Variants in RDX observed in about 807,000 individuals in gnomAD.
The protein encoded by RDX is deafness, autosomal recessive 24.
Under a neutral mutation model 83.7 loss-of-function variants are expected in RDX, and 32 were observed. The observed-to-expected ratio is 0.38, with a 90% CI of 0.29 to 0.51. RDX has a LOEUF of 0.51. RDX is among the 20% of genes least tolerant of loss of function. The probability of loss-of-function intolerance (pLI) is 0.87; values close to 1 mark genes in which losing one functional copy is unlikely to be tolerated. For missense variants in RDX, 600 were observed against 689.9 expected, an observed-to-expected ratio of 0.87 and a Z score of 1.46; for synonymous variants, 229 against 222.7, an observed-to-expected ratio of 1.03 and a Z score of -0.25.
intron 15 of RDX, among the ~76,000 whole-genome samples, chr11:110,184,191 C>G (rs1191140328): frequency 6.6e-6 from 1 of 152,188 alleles, no homozygotes; most frequent in Non-Finnish European, 1.5e-5. Flanking sequence ...ACTGTGGCAG[C>G]AACAGGGATG....
At chr11:110,249,880 G>C (rs1591150747) in intron 9 of RDX, among the ~76,000 whole-genome samples, 1 of 151,882 alleles carries the variant, frequency 6.6e-6, no homozygotes, top group African/African-American at 2.4e-5. Context: ...CTGTCAAATA[G>C]AAAACAAAAA....
rs900125648 is a variant in RDX at position 110,255,979 on chromosome 11, T to C, written c.699-594A>G. On this transcript the variant is annotated intron_variant, in intron 7 of 13. Transcript: ENST00000645495. ...CATACATAAATATTTGGATAAATGA[T>C]AGAGATGGAATTCAAACTCTTGAGA... Among the ~76,000 whole-genome samples, 10 of 152,326 alleles carry C rather than the reference T, an allele frequency of 6.6e-5. No individual in the cohort carries two copies. The South Asian group carries it at 1.9e-3, about 28-fold the overall frequency.
intron 1 of RDX, among the ~76,000 whole-genome samples, chr11:110,290,803 A>T (rs113544444): frequency 6.6e-6 from 1 of 150,698 alleles, no homozygotes; most frequent in African/African-American, 2.5e-5. Context: ...TATGTAAACA[A>T]GTCAGCTACG....
chr11:110,269,917 T>C (rs916100826), intron 3 of RDX, among the ~76,000 whole-genome samples: 15 of 151,800 alleles, frequency 9.9e-5, no homozygotes, highest in Non-Finnish European at 2.1e-4. Context: ...TGGAGCACAC[T>C]TGTGGTCCCA....
At chr11:110,176,963 G>C (rs967447834) in intron 15 of RDX, among the ~76,000 whole-genome samples, 1 of 152,166 alleles carries the variant, frequency 6.6e-6, no homozygotes, top group Non-Finnish European at 1.5e-5. Context: ...AGCCTGCCAA[G>C]GGCCAAGCGC....
chr11:110,186,368 T>C (rs1862986910), intron 15 of RDX, among the ~76,000 whole-genome samples: 1 of 152,164 alleles, frequency 6.6e-6, no homozygotes, highest in South Asian at 2.1e-4. Context: ...TAGGTGGTGC[T>C]TTGACCTGTC....
chr11:110,259,509 A>C (rs886564383), intron 5 of RDX, among the ~76,000 whole-genome samples: 5 of 152,230 alleles, frequency 3.3e-5, no homozygotes, highest in African/African-American at 1.2e-4. Context: ...CCCCCTGGAT[A>C]AGTTACCTAC....
At chr11:110,292,784 T>C (rs1861297976) in intron 1 of RDX, among the ~76,000 whole-genome samples, 1 of 152,228 alleles carries the variant, frequency 6.6e-6, no homozygotes, top group African/African-American at 2.4e-5. Flanking sequence ...ATGAAGTACC[T>C]GTTTCTTCAA....
chr11:110,177,930 C>G (rs191209661), intron 15 of RDX, among the ~76,000 whole-genome samples: 63 of 152,186 alleles, frequency 4.1e-4, no homozygotes, highest in Non-Finnish European at 2.8e-4. Context: ...CCCCGACACT[C>G]CCCCTCATAC....
At chr11:110,223,722 C>T (rs551439498) in intron 14 of RDX, among the ~76,000 whole-genome samples, 9 of 152,062 alleles carry the variant, frequency 5.9e-5, no homozygotes, top group Admixed American at 1.3e-4. Flanking sequence ...ATTTGGGTAC[C>T]TCTAGCAAAA....
chr11:110,289,969 A>AAAAAAAAC (rs1861159307), intron 1 of RDX, among the ~76,000 whole-genome samples: 2 of 147,612 alleles, frequency 1.4e-5, no homozygotes, highest in Non-Finnish European at 3.0e-5. Context: ...AAAAAAAAAA[A>AAAAAAAAC]AAAAAAAAAA....
chr11:110,272,812 T>C (rs560954241), intron 2 of RDX, 193 bp from the exon 3 acceptor site: 111 of 576,066 alleles, frequency 1.9e-4, no homozygotes, highest in Middle Eastern at 1.4e-3. Flanking sequence ...TACTGGGCAC[T>C]AAGCTATGGG....
intron 13 of RDX, 112 bp from the exon 14 acceptor site, chr11:110,232,145 A>C: frequency 1.1e-6 from 1 of 869,938 alleles, no homozygotes; most frequent in Non-Finnish European, 1.8e-6. Flanking sequence ...CCACTGTGAA[A>C]CCTTTTTCTT....
At chr11:110,224,982 A>C (rs1175614398), downstream of RDX, among the ~76,000 whole-genome samples, 1 of 152,168 alleles carries the variant, frequency 6.6e-6, no homozygotes, top group African/African-American at 2.4e-5. Context: ...TCCTCAAATC[A>C]AATTAAAACA....
At chr11:110,262,591 G>GAA (rs5794681) in intron 5 of RDX, among the ~76,000 whole-genome samples, 2 of 146,194 alleles carry the variant, frequency 1.4e-5, no homozygotes, top group African/African-American at 5.0e-5. Flanking sequence ...CCATCTCAAA[G>GAA]AAAAAAAAAA....
At chr11:110,237,675 C>G (rs749063198) in intron 10 of RDX, 23 bp from the exon 11 acceptor site, 6 of 1,611,370 alleles carry the variant, frequency 3.7e-6, no homozygotes, top group Non-Finnish European at 5.1e-6. Flanking sequence ...TGTATTCCCC[C>G]CAACAGTGAT....
intron 2 of RDX, among the ~76,000 whole-genome samples, chr11:110,275,395 G>C (rs1182573921): frequency 7.2e-5 from 11 of 152,116 alleles, no homozygotes; most frequent in Non-Finnish European, 1.3e-4. Flanking sequence ...TTGAAGCAGG[G>C]AACTCAGTCA....
At chr11:110,261,617 G>GA (rs1170216782) in intron 5 of RDX, among the ~76,000 whole-genome samples, 4 of 151,072 alleles carry the variant, frequency 2.6e-5, no homozygotes, top group East Asian at 3.9e-4. Flanking sequence ...GTTCTAAACA[G>GA]AAAATGAAAA....
chr11:110,272,882 C>A (rs766770923), intron 2 of RDX: 1 of 499,358 alleles, frequency 2.0e-6, no homozygotes, highest in Middle Eastern at 3.1e-4. Flanking sequence ...TTTATTTCTA[C>A]AGAAACGCAA....
Sources: allele counts gnomAD v4.1 joint callset (sites outside exome capture counted in the v4.1 genomes callset), GRCh38; gene constraint gnomAD v4.1.1; transcripts MANE v1.5; gene names NCBI Gene and HGNC (gene_info 2026-07-23, HGNC 2026-07-21).